The following PDE4D variants were observed in gnomAD, a reference collection of about 807,000 sequenced individuals.
The protein encoded by PDE4D is phosphodiesterase 4D.
A neutral mutation model predicts 87.4 loss-of-function variants in PDE4D; 24 were observed. The ratio of observed to expected loss-of-function variants is 0.27; its 90% CI spans 0.20 to 0.39. The LOEUF (loss-of-function observed/expected upper bound fraction) is 0.39. Among genes scored for constraint, PDE4D ranks in the 10% least tolerant of loss-of-function variants. PDE4D has a pLI of 1.00. For missense variants in PDE4D, 714 were observed against 1,041.0 expected (o/e 0.69, Z 4.32); for synonymous variants, 384 against 383.2 (o/e 1.00, Z -0.02).
chr5:58,975,042 C>A lies in PDE4D; in HGVS notation c.2052G>T (p.Glu684Asp). 1 of 1,581,670 alleles carries A rather than the reference C, an allele frequency of 6.3e-7. No individual in the cohort carries two copies. The highest frequency in any genetic ancestry group is 8.6e-7 in the Non-Finnish European group (1 of 1,159,824). ...FIDYIVHPLWETWADLVHPDA... is the reference protein window; with the variant it reads ...FIDYIVHPLWDTWADLVHPDA... ...CAGGGTGGACGAGGTCTGCCCATGTCTCCCAGAGGGGATGAACAATATAGT... is the reference window on the plus strand; with the variant it reads ...CAGGGTGGACGAGGTCTGCCCATGTATCCCAGAGGGGATGAACAATATAGT... The change falls in exon 15 of 15, where the codon GAG (glutamate) becomes GAT (aspartate). Residue 684 changes from glutamate (E) to aspartate (D), a missense_variant. This residue lies in a region of PDE4D where 97 missense variants were observed against 176.9 expected (regional missense o/e 0.55). Coordinates refer to ENST00000340635, the MANE Select transcript of PDE4D (RefSeq NM_001104631.2). The surrounding 1 kb of genome is among the most constrained non-coding windows in gnomAD (Gnocchi z 4.2).
intron 1 of PDE4D, among the ~76,000 whole-genome samples, chr5:59,225,873 A>T (rs1363390005): frequency 6.6e-6 from 1 of 152,062 alleles, no homozygotes; most frequent in Non-Finnish European, 1.5e-5. Flanking sequence ...TTCTCCAAAG[A>T]AGACAAAAAA....
intron 1 of PDE4D, among the ~76,000 whole-genome samples, chr5:59,603,530 CT>C (rs1488233269): frequency 1.3e-5 from 2 of 152,004 alleles, no homozygotes; most frequent in Non-Finnish European, 2.9e-5. Flanking sequence ...AAAGAGAACC[CT>C]TGTACACTGT....
At chr5:60,107,245 C>T (rs1777075971) in intron 2 of PDE4D, among the ~76,000 whole-genome samples, 1 of 152,140 alleles carries the variant, frequency 6.6e-6, no homozygotes, top group Admixed American at 6.5e-5. Context: ...CGCAAATAAA[C>T]TAGAAAATCT....
chr5:60,249,377 T>A (rs1346976888), intron 1 of PDE4D, among the ~76,000 whole-genome samples: 1 of 152,080 alleles, frequency 6.6e-6, no homozygotes, highest in East Asian at 1.9e-4. Flanking sequence ...AACTCAGTTT[T>A]CTGACTCTTA....
At chr5:59,378,074 T>C (rs1055982831) in intron 1 of PDE4D, among the ~76,000 whole-genome samples, 1 of 152,080 alleles carries the variant, frequency 6.6e-6, no homozygotes, top group African/African-American at 2.4e-5. Context: ...ATGTGGTGCA[T>C]ACACACCATG....
At chr5:59,266,751 A>C (rs1762922728) in intron 1 of PDE4D, among the ~76,000 whole-genome samples, 1 of 152,048 alleles carries the variant, frequency 6.6e-6, no homozygotes, top group Admixed American at 6.6e-5. Context: ...CTAGGACAGG[A>C]AGGAAAAGTA....
intron 5 of PDE4D, among the ~76,000 whole-genome samples, chr5:59,072,386 G>A (rs73093323): frequency 0.046 from 6,951 of 152,114 alleles, 535 homozygotes; most frequent in African/African-American, 0.16. Flanking sequence ...TCTAGCCACC[G>A]GAGACACAGT....
intron 2 of PDE4D, among the ~76,000 whole-genome samples, chr5:60,162,695 T>A (rs1231735876): frequency 6.6e-6 from 1 of 151,932 alleles, no homozygotes; most frequent in African/African-American, 2.4e-5. Context: ...TTCAAGAACA[T>A]GTATTTTAAG....
intron 1 of PDE4D, among the ~76,000 whole-genome samples, chr5:60,378,642 A>C (rs1025884058): frequency 6.6e-6 from 1 of 152,084 alleles, no homozygotes; most frequent in Non-Finnish European, 1.5e-5. Flanking sequence ...TCACGATGTC[A>C]GGAGTTCAAG....
chr5:59,353,631 C>A (rs1307588970), intron 1 of PDE4D, among the ~76,000 whole-genome samples: 1 of 151,916 alleles, frequency 6.6e-6, no homozygotes, highest in African/African-American at 2.4e-5. Flanking sequence ...CTCTTCTGGG[C>A]TCACAGAGAA....
At chr5:59,015,143 C>A (rs1357534223) in intron 6 of PDE4D, among the ~76,000 whole-genome samples, 3 of 152,234 alleles carry the variant, frequency 2.0e-5, no homozygotes, top group African/African-American at 7.2e-5. Flanking sequence ...TAAAGACTTA[C>A]ATGTTAGTCC....
intron 1 of PDE4D, among the ~76,000 whole-genome samples, chr5:60,240,335 T>G (rs989830898): frequency 6.6e-6 from 1 of 151,756 alleles, no homozygotes; most frequent in Admixed American, 6.6e-5. Flanking sequence ...GAACCAAAAA[T>G]CAGGTACCAG....
Position 59,065,065 on chromosome 5 carries a change from TATACACACACACACACAC to T in PDE4D, c.809-26112_809-26095del, listed in dbSNP as rs1331408692. On this transcript the variant is annotated intron_variant, in intron 5 of 14. Transcript: ENST00000340635. ...ATGGACAAAGGAAATGTGATATATA[TATACACACACACACACAC>T]ACACACACACACACACACACACACA... Among the ~76,000 whole-genome samples, 92 of 10,520 alleles carry T rather than the reference TATACACACACACACACAC, an allele frequency of 8.7e-3. 4 individuals carry two copies. The highest frequency in any genetic ancestry group is 0.045 in the Middle Eastern group (1 of 22). The allele number at this position is 10,520 out of a possible 152,430, so 6.9% of individuals were successfully genotyped here. A position where few individuals can be genotyped will look rare whatever the true frequency, so the allele number is the denominator to read the frequency against.
At chr5:59,879,042 G>A (rs889778291) in intron 1 of PDE4D, among the ~76,000 whole-genome samples, 2 of 151,824 alleles carry the variant, frequency 1.3e-5, no homozygotes, top group African/African-American at 2.4e-5. Context: ...GGGATTACAG[G>A]TGCCTGCCAC....
At chr5:59,551,092 T>C (rs1818039756) in intron 1 of PDE4D, among the ~76,000 whole-genome samples, 1 of 152,084 alleles carries the variant, frequency 6.6e-6, no homozygotes, top group Non-Finnish European at 1.5e-5. Context: ...GTTTTCTTTA[T>C]GGTGTTTTTG....
chr5:60,129,969 T>C (rs1431883534), intron 2 of PDE4D, among the ~76,000 whole-genome samples: 1 of 152,132 alleles, frequency 6.6e-6, no homozygotes, highest in East Asian at 1.9e-4. Flanking sequence ...GGGGGGTGAT[T>C]ATATCATGAA....
At chr5:59,708,220 C>CT (rs1016741026) in intron 1 of PDE4D, among the ~76,000 whole-genome samples, 6 of 151,784 alleles carry the variant, frequency 4.0e-5, no homozygotes, top group African/African-American at 7.3e-5. Flanking sequence ...TGATGTTGAG[C>CT]TTTTTTTTCA....
At chr5:60,422,163 G>A (rs37703) in intron 1 of PDE4D, among the ~76,000 whole-genome samples, 42,896 of 151,992 alleles carry the variant, frequency 0.28, 6,241 homozygotes, top group South Asian at 0.45. Flanking sequence ...AGCAAGGCAG[G>A]CCAACATTCA....
intron 1 of PDE4D, among the ~76,000 whole-genome samples, chr5:59,717,028 G>C (rs1755128209): frequency 6.6e-6 from 1 of 152,212 alleles, no homozygotes; most frequent in Non-Finnish European, 1.5e-5. Flanking sequence ...GATGTGAGGA[G>C]AGCCCTTTTT....
Sources: allele counts gnomAD v4.1 joint callset (sites outside exome capture counted in the v4.1 genomes callset), GRCh38; gene constraint gnomAD v4.1.1; regional missense constraint gnomAD v4.1.1; non-coding constraint Gnocchi (gnomAD v3.1); transcripts MANE v1.5; gene names NCBI Gene and HGNC (gene_info 2026-07-23, HGNC 2026-07-21).